The following RNMT variants were observed in gnomAD, a reference collection of about 807,000 sequenced individuals.
RNMT encodes the protein mRNA cap guanine-N(7) methyltransferase.
RNMT carries 27 observed loss-of-function variants against 56.0 expected under a neutral mutation model. The ratio of observed to expected loss-of-function variants is 0.48; its 90% CI spans 0.36 to 0.67. The LOEUF is 0.67. Among genes scored for constraint, RNMT ranks in the 30% least tolerant of loss-of-function variants. The pLI is 0.00. For synonymous variants in RNMT, 184 were observed against 176.2 expected, an observed-to-expected ratio of 1.04 and a Z score of -0.35; for missense variants, 519 against 552.1, an observed-to-expected ratio of 0.94 and a Z score of 0.60.
At chr18:13,732,969 G>C (rs1161513468) in intron 3 of RNMT, among the ~76,000 whole-genome samples, 1 of 151,806 alleles carries the variant, frequency 6.6e-6, no homozygotes, top group Non-Finnish European at 1.5e-5. Flanking sequence ...CACCATATTG[G>C]CCAGGCTGGT....
intron 8 of RNMT, among the ~76,000 whole-genome samples, chr18:13,743,339 AAT>A (rs758405005): frequency 0.06 from 4,527 of 75,226 alleles, 343 homozygotes; most frequent in Middle Eastern, 0.12. Flanking sequence ...AAAATAAATA[AAT>A]AAATAAATAA....
chr18:13,737,628 G>A lies in RNMT; in HGVS notation c.679+493G>A, dbSNP rs183007732. Among the ~76,000 whole-genome samples the A allele has an allele frequency of 3.3e-5, 5 of 152,068 alleles. No homozygotes were observed. In the East Asian group the frequency reaches 9.7e-4, roughly 29 times the overall value. On this transcript the variant is annotated intron_variant, in intron 5 of 11. Transcript: ENST00000383314. ...TGGGATAACGTTTCCTTCCCAAAAG[G>A]AAGGAAGCTATCAAAGATGGTCGGA...
chr18:13,740,144 C>G (rs766213988), intron 5 of RNMT, 23 bp from the exon 6 acceptor site: 1 of 1,386,800 alleles, frequency 7.2e-7, no homozygotes, highest in Non-Finnish European at 1.0e-6. Flanking sequence ...TTGATACTTA[C>G]TAATACCCTT....
Position 13,760,828 on chromosome 18 carries a change from G to A in RNMT, c.*849G>A. The A allele has an allele frequency of 1.0e-6, 1 of 985,396 alleles. No individual in the cohort carries two copies. Among genetic ancestry groups the A allele is most frequent in the South Asian group, 4.7e-5 (1 of 21,282 alleles). 61.0% of individuals were successfully genotyped at this position (985,396 alleles called of 1,614,324 possible). ...AGTAGGAATATTCTCACCATCTGAT[G>A]CCATGTACCCACTTCAGAAATAAGC... is the stretch of plus-strand genomic sequence containing the variant. On this transcript the variant is annotated 3_prime_UTR_variant, in exon 12 of 12. Transcript: ENST00000383314.
chr18:13,760,950 A>G lies in RNMT; in HGVS notation c.*971A>G, dbSNP rs950583743. The G allele has an allele frequency of 7.1e-6, 7 of 985,346 alleles. No homozygotes were observed. The highest frequency in any genetic ancestry group is 8.4e-6 in the Non-Finnish European group (7 of 829,932). The allele number at this position is 985,346 out of a possible 1,614,324, so 61.0% of individuals were successfully genotyped here. A position where few individuals can be genotyped will look rare whatever the true frequency, so the allele number is the denominator to read the frequency against. ...AACTGACTGCTTTTCCAAAACTGGT[A>G]CTTATGTGAACTGTTGTCCTTGCTT... On this transcript the variant is annotated 3_prime_UTR_variant, in exon 12 of 12. Transcript: ENST00000383314.
chr18:13,744,156 C>CTTTTTTTTTTTTTT (rs1555794897), intron 8 of RNMT, among the ~76,000 whole-genome samples: 10 of 25,978 alleles, frequency 3.8e-4, no homozygotes, highest in African/African-American at 1.5e-3. Flanking sequence ...ACCTAGCGGT[C>CTTTTTTTTTTTTTT]TTCTTTTTTT....
At chr18:13,728,681 C>T (rs535216850) in intron 1 of RNMT, among the ~76,000 whole-genome samples, 3 of 152,010 alleles carry the variant, frequency 2.0e-5, no homozygotes, top group Admixed American at 6.6e-5. Flanking sequence ...CCGTTTTAAC[C>T]GAGATGAGAT....
At chr18:13,746,651 A>G (rs891784286) in intron 9 of RNMT, among the ~76,000 whole-genome samples, 1 of 152,212 alleles carries the variant, frequency 6.6e-6, no homozygotes, top group Non-Finnish European at 1.5e-5. Context: ...TAGGATATTC[A>G]GTAGCATTCC....
chr18:13,742,764 T>C (rs1258386695), intron 8 of RNMT, 112 bp downstream of exon 8: 2 of 778,870 alleles, frequency 2.6e-6, no homozygotes, highest in Non-Finnish European at 3.9e-6. Context: ...AAAGAAAAAG[T>C]ATAATCTTGT....
chr18:13,737,261 G>A (rs181946323), intron 5 of RNMT, 126 bp downstream of exon 5: 5 of 821,926 alleles, frequency 6.1e-6, no homozygotes, highest in East Asian at 2.9e-5. Context: ...AATTAATTAC[G>A]GCCTGACGCG....
rs1235903568 is a variant in RNMT, at chr18:13,764,211, A to G, written c.*4232A>G. Reference sequence around the variant, plus strand: ...GAGTCGAGTATCCAGACAGAGGCAAATCATTTTGTTTAACTTTTTATTAAA... The same window carrying G: ...GAGTCGAGTATCCAGACAGAGGCAAGTCATTTTGTTTAACTTTTTATTAAA... On this transcript the variant is annotated 3_prime_UTR_variant, in exon 12 of 12. Transcript: ENST00000383314. 1.3e-5 allele frequency: 2 copies of G among 152,176 alleles called. No individual in the cohort carries two copies. Among genetic ancestry groups the G allele is most frequent in the Non-Finnish European group, 1.5e-5 (1 of 68,034 alleles). 9.4% of individuals were successfully genotyped at this position (152,176 alleles called of 1,614,324 possible).
chr18:13,737,179 T>A, intron 5 of RNMT, 44 bp downstream of exon 5: 1 of 1,501,056 alleles, frequency 6.7e-7, no homozygotes, highest in Non-Finnish European at 9.1e-7. Context: ...TGTAGTCAGA[T>A]AAATGGAAAA....
At chr18:13,751,170 C>T (rs1309599794) in intron 9 of RNMT, among the ~76,000 whole-genome samples, 6 of 152,214 alleles carry the variant, frequency 3.9e-5, no homozygotes, top group Non-Finnish European at 8.8e-5. Flanking sequence ...AAACTATCAT[C>T]AGAGTGAACA....
chr18:13,741,511 A>C lies in RNMT; in HGVS notation c.794A>C (p.Glu265Ala). Reference protein sequence around the residue: ...AEFITADSSKELLIDKFRDPQ... With the variant: ...AEFITADSSKALLIDKFRDPQ... ...TTAACTCATTTTAATTTGTTTCAGG[A>C]ACTTCTGATTGACAAATTTCGTGAC... Residue 265 changes from glutamate (E) to alanine (A), a missense_variant and splice_region_variant, in exon 7 of 12, where the codon GAA becomes GCA. Glu to Ala is a moderately radical substitution (Grantham distance 107). Transcript: ENST00000383314. 1 of 1,608,414 alleles carries C rather than the reference A, an allele frequency of 6.2e-7. No individual in the cohort carries two copies. The highest frequency in any genetic ancestry group is 8.5e-7 in the Non-Finnish European group (1 of 1,177,324).
intron 6 of RNMT, among the ~76,000 whole-genome samples, chr18:13,740,623 C>T (rs971304651): frequency 1.5e-4 from 23 of 152,340 alleles, no homozygotes; most frequent in African/African-American, 5.5e-4. Flanking sequence ...GGTGATCTGC[C>T]TGCCTCCCAT....
chr18:13,747,665 T>G (rs1217938469), intron 9 of RNMT, among the ~76,000 whole-genome samples: 6 of 152,226 alleles, frequency 3.9e-5, no homozygotes, highest in African/African-American at 1.4e-4. Flanking sequence ...ACCCAGCCAC[T>G]CCCACAATGT....
At position 13,761,861 on chromosome 18, in the gene RNMT, C is replaced by G; in HGVS notation, c.*1882C>G. 1.3e-5 allele frequency: 15 copies of G among 1,147,460 alleles called. No individual in the cohort carries two copies. Among genetic ancestry groups the G allele is most frequent in the Non-Finnish European group, 1.5e-5 (14 of 932,276 alleles). 71.1% of individuals were successfully genotyped at this position (1,147,460 alleles called of 1,614,324 possible). A position where few individuals can be genotyped will look rare whatever the true frequency, so the allele number is the denominator to read the frequency against. ...ACCCTACACCCCCCTCCCCCCGGCC[C>G]CAAGCCCCTGTGTCTCCTTGTTACA... On this transcript the variant is annotated 3_prime_UTR_variant, in exon 12 of 12. Coordinates refer to ENST00000383314, the MANE Select transcript of RNMT (RefSeq NM_003799.3).
rs905667870 is a variant in RNMT, at chr18:13,761,917, G to A, written c.*1938G>A. On this transcript the variant is annotated 3_prime_UTR_variant, in exon 12 of 12. Coordinates refer to ENST00000383314, the MANE Select transcript of RNMT (RefSeq NM_003799.3). ...GTTTCTGGATATTGACTTAAGAACT[G>A]TTAGGAAGAGGACTAGAAAAGGCTT... The A allele has an allele frequency of 1.6e-5, 20 of 1,269,960 alleles. No homozygotes were observed. In the African/African-American group the frequency reaches 3.2e-4, roughly 20 times the overall value. The allele number at this position is 1,269,960 out of a possible 1,614,324, so 78.7% of individuals were successfully genotyped here.
At chr18:13,743,015 ACAATGAGTCTTCATAAAT>A (rs2044277998) in intron 8 of RNMT, 1 of 164,404 alleles carries the variant, frequency 6.1e-6, no homozygotes, top group African/African-American at 2.4e-5. Flanking sequence ...TTGATGATAA[ACAATGAGTCTTCATAAAT>A]CAAAGATCCG....
Sources: allele counts gnomAD v4.1 joint callset (sites outside exome capture counted in the v4.1 genomes callset), GRCh38; gene constraint gnomAD v4.1.1; transcripts MANE v1.5; gene names NCBI Gene and HGNC (gene_info 2026-07-23, HGNC 2026-07-21).